ATAD3C: variants seen among roughly 807,000 people sequenced by gnomAD.
The protein encoded by ATAD3C is ATPase family AAA domain-containing protein 3C.
Under a neutral mutation model 46.3 loss-of-function variants are expected in ATAD3C, and 38 were observed. That is an observed-to-expected ratio of 0.82 (90% CI 0.63 to 1.08). The LOEUF is 1.08. ATAD3C is among the 50% of genes least tolerant of loss of function. The probability of loss-of-function intolerance (pLI) is 0.00; values close to 1 mark genes in which losing one functional copy is unlikely to be tolerated. For missense variants in ATAD3C, 563 were observed against 572.7 expected (o/e 0.98, Z 0.17); for synonymous variants, 220 against 236.4 (o/e 0.93, Z 0.63).
rs1426320685 is a variant in ATAD3C, at chr1:1,449,926, T to C, written c.-758T>C. 1.3e-5 allele frequency: 2 copies of C among 152,082 alleles called. No individual in the cohort carries two copies. The highest frequency in any genetic ancestry group is 2.9e-5 in the Non-Finnish European group (2 of 67,976). The allele number at this position is 152,082 out of a possible 1,614,324, so 9.4% of individuals were successfully genotyped here. A position where few individuals can be genotyped will look rare whatever the true frequency, so the allele number is the denominator to read the frequency against. On this transcript the variant is annotated 5_prime_UTR_variant, in exon 1 of 12. Transcript: ENST00000378785. ...GTAACTGAGGACGTTGTCAGATGCT[T>C]GTCCTCGTCACCCTGAGCTTGTTGG...
chr1:1,455,737 C>A (rs578249055), intron 5 of ATAD3C, 54 bp from the exon 6 acceptor site: 2 of 1,606,876 alleles, frequency 1.2e-6, no homozygotes, highest in African/African-American at 1.3e-5. Context: ...CCCCTGCCCC[C>A]GAGGCTTCTG....
At chr1:1,463,140 C>T (rs1639097529) in intron 11 of ATAD3C, among the ~76,000 whole-genome samples, 1 of 152,046 alleles carries the variant, frequency 6.6e-6, no homozygotes. Context: ...CGGGCCCAGA[C>T]ACATGGGTGG....
At chr1:1,455,346 C>G in intron 4 of ATAD3C, 114 bp from the exon 5 acceptor site, 5 of 1,464,168 alleles carry the variant, frequency 3.4e-6, no homozygotes, top group Non-Finnish European at 4.6e-6. Flanking sequence ...CAGGCCGGTC[C>G]TGGCTGTGAT....
chr1:1,467,997 G>A (rs764605253), intron 11 of ATAD3C, among the ~76,000 whole-genome samples: 4 of 151,916 alleles, frequency 2.6e-5, no homozygotes, highest in Non-Finnish European at 4.4e-5. Context: ...AGGCCTGTGA[G>A]GGTCAGGGTC....
Position 1,459,858 on chromosome 1 carries a change from C to T in ATAD3C, c.812+627C>T, listed in dbSNP as rs1639026803. ...GTTTTCTTGGTCTCCTGGGTCCCTC[C>T]AGCCCCAGTCACGTGTCACATGGAG... is the stretch of plus-strand genomic sequence containing the variant. On this transcript the variant is annotated intron_variant, in intron 9 of 11. Transcript: ENST00000378785. This position sits in a 1 kb window ranked among gnomAD's most constrained non-coding sequence, Gnocchi z 4.9. 6.6e-6 allele frequency among the ~76,000 whole-genome samples: 1 copy of T among 151,992 alleles called. No homozygotes were observed. The highest frequency in any genetic ancestry group is 1.9e-4 in the East Asian group (1 of 5,168).
intron 8 of ATAD3C, among the ~76,000 whole-genome samples, chr1:1,458,909 C>T (rs879243122): frequency 1.1e-4 from 16 of 151,538 alleles, no homozygotes; most frequent in African/African-American, 2.9e-4. Context: ...TTAGTAGAGA[C>T]GGGGTCTCAC....
rs1639222542 is a variant in ATAD3C at position 1,470,128 on chromosome 1, C to G, written c.*1598C>G. ...TCTTTTTGAACTCAGCCCGCCTGCA[C>G]CCAGGTGAAATAAACAGCCTTGTTG... is the stretch of plus-strand genomic sequence containing the variant. On this transcript the variant is annotated 3_prime_UTR_variant, in exon 12 of 12. Coordinates refer to ENST00000378785, the MANE Select transcript of ATAD3C (RefSeq NM_001039211.3). 2 of 152,066 alleles carry G rather than the reference C, an allele frequency of 1.3e-5. No individual in the cohort carries two copies. Among genetic ancestry groups the G allele is most frequent in the Admixed American group, 1.3e-4 (2 of 15,222 alleles). 9.4% of individuals were successfully genotyped at this position (152,066 alleles called of 1,614,324 possible). A position where few individuals can be genotyped will look rare whatever the true frequency, so the allele number is the denominator to read the frequency against.
chr1:1,459,080 G>T lies in ATAD3C; in HGVS notation c.742-81G>T. On this transcript the variant is annotated intron_variant, in intron 8 of 11. Coordinates refer to ENST00000378785, the MANE Select transcript of ATAD3C (RefSeq NM_001039211.3). This position sits in a 1 kb window ranked among gnomAD's most constrained non-coding sequence, Gnocchi z 4.9. ...CGCCATGTCCCTGCTCCCTGCAGGAGGGAGGCCTGTGGGACTTTCTGCTGT... is the reference window on the plus strand; with the variant it reads ...CGCCATGTCCCTGCTCCCTGCAGGATGGAGGCCTGTGGGACTTTCTGCTGT... The T allele has an allele frequency of 6.4e-7, 1 of 1,565,298 alleles. No homozygotes were observed. The highest frequency in any genetic ancestry group is 8.7e-7 in the Non-Finnish European group (1 of 1,155,724).
At chr1:1,467,161 G>A in intron 11 of ATAD3C, among the ~76,000 whole-genome samples, 1 of 152,036 alleles carries the variant, frequency 6.6e-6, no homozygotes, top group East Asian at 1.9e-4. Flanking sequence ...GTGACATTTA[G>A]CTGTCACTTC....
chr1:1,454,841 C>T (rs896484727), intron 4 of ATAD3C, among the ~76,000 whole-genome samples: 3 of 151,788 alleles, frequency 2.0e-5, no homozygotes, highest in African/African-American at 7.3e-5. Flanking sequence ...TGGGGAGCCG[C>T]GCCGTTTGCC....
At position 1,456,265 on chromosome 1, in the gene ATAD3C, C is replaced by T. The variant is rs747517157; in HGVS notation, c.605C>T (p.Thr202Ile). The T allele has an allele frequency of 7.4e-6, 11 of 1,488,834 alleles. 2 individuals are homozygous for T. The South Asian group carries it at 9.5e-5, about 13-fold the overall frequency. The allele number at this position is 1,488,834 out of a possible 1,614,324, so 92.2% of individuals were successfully genotyped here. ...TCAGGCATGGACTACGCCATCATGA[C>T]AGGCGGGGACGTGGCCCCCATGGGG... is the stretch of plus-strand genomic sequence containing the variant. ...LHSGMDYAIM[T>I]GGDVAPMGRE... The change falls in exon 7 of 12, where the codon ACA becomes ATA. Residue 202 changes from threonine to isoleucine, a missense_variant. By Grantham distance (89) the Thr-to-Ile change is moderately conservative. Around this residue, in one of 3 missense-constraint regions of ATAD3C, gnomAD observed 27 missense variants for 76.2 expected, o/e 0.35. Coordinates refer to ENST00000378785, the MANE Select transcript of ATAD3C (RefSeq NM_001039211.3).
chr1:1,457,176 C>CCACT lies in ATAD3C; in HGVS notation c.738_741dup (p.Glu248HisfsTer2), dbSNP rs1412659112. The CCACT allele has an allele frequency of 6.2e-7, 1 of 1,613,516 alleles. No individual in the cohort carries two copies. ...GCGGACGCCTTCCTTCGGAAGCGAG[C>CCACT]CACTGTGAGTGTCACTAAGCCTCTG... On this transcript the variant is annotated frameshift_variant, in exon 8 of 12. Coordinates refer to ENST00000378785, the MANE Select transcript of ATAD3C (RefSeq NM_001039211.3). LOFTEE classifies it high-confidence loss of function.
chr1:1,466,242 CA>C (rs1168198351), intron 11 of ATAD3C, among the ~76,000 whole-genome samples: 7,341 of 67,084 alleles, frequency 0.11, 334 homozygotes, highest in African/African-American at 0.23. Flanking sequence ...ACTTCTGTCT[CA>C]AAAAAAAAAA....
chr1:1,455,311 T>A, intron 4 of ATAD3C, 149 bp from the exon 5 acceptor site: 2 of 1,037,676 alleles, frequency 1.9e-6, no homozygotes, highest in Admixed American at 2.5e-5. Context: ...ACACCCAGTC[T>A]CCCGGCGGGG....
At chr1:1,453,556 C>G (rs924306472) in intron 3 of ATAD3C, among the ~76,000 whole-genome samples, 3 of 151,844 alleles carry the variant, frequency 2.0e-5, no homozygotes. Context: ...AGGCTGGTTG[C>G]GAACTCCTGG....
intron 2 of ATAD3C, 34 bp from the exon 3 acceptor site, chr1:1,452,331 T>C (rs1258899917): frequency 6.2e-7 from 1 of 1,613,592 alleles, no homozygotes; most frequent in South Asian, 1.1e-5. Flanking sequence ...GGGTCTTTGT[T>C]TCCCTCCTGG....
chr1:1,451,895 C>T (rs1294133378), intron 1 of ATAD3C, 151 bp from the exon 2 acceptor site: 2 of 1,332,856 alleles, frequency 1.5e-6, no homozygotes, highest in Non-Finnish European at 2.0e-6. Flanking sequence ...CGATGTCACC[C>T]GTGTCTGTGT....
At chr1:1,458,364 C>G (rs1639001978) in intron 8 of ATAD3C, among the ~76,000 whole-genome samples, 1 of 150,288 alleles carries the variant, frequency 6.7e-6, no homozygotes, top group Non-Finnish European at 1.5e-5. Context: ...AACCTCCGCC[C>G]CCTGGGTTCA....
At chr1:1,457,747 C>G (rs1297928476) in intron 8 of ATAD3C, among the ~76,000 whole-genome samples, 3 of 151,338 alleles carry the variant, frequency 2.0e-5, no homozygotes, top group Non-Finnish European at 4.4e-5. Flanking sequence ...GGCGTGATCT[C>G]GGCTCACTGC....
Sources: gnomAD v4.1 joint callset for allele counts (sites outside exome capture counted in the v4.1 genomes callset) on GRCh38, gnomAD v4.1.1 for gene constraint, gnomAD v4.1.1 regional missense constraint, Gnocchi (gnomAD v3.1) non-coding constraint, MANE v1.5 for transcripts, NCBI Gene and HGNC (gene_info 2026-07-23, HGNC 2026-07-21) for gene names.